The following CYTH3 variants were observed in gnomAD, a reference collection of about 807,000 sequenced individuals.
CYTH3 encodes the protein cytohesin 3, also known as cytohesin-3.
In CYTH3, 23 loss-of-function variants were observed where a neutral mutation model predicts 55.1. That is an observed-to-expected ratio of 0.42 (90% CI 0.30 to 0.59). CYTH3 has a LOEUF of 0.59. Among genes scored for constraint, CYTH3 ranks in the 20% least tolerant of loss-of-function variants. CYTH3 has a pLI of 0.20. For synonymous variants in CYTH3, 249 were observed against 194.9 expected, an observed-to-expected ratio of 1.28 and a Z score of -2.31; for missense variants, 413 against 524.8, an observed-to-expected ratio of 0.79 and a Z score of 2.08.
intron 1 of CYTH3, among the ~76,000 whole-genome samples, chr7:6,233,179 C>G (rs1208705221): frequency 2.6e-5 from 4 of 152,146 alleles, no homozygotes; most frequent in African/African-American, 9.7e-5. Flanking sequence ...TTTCAGCACA[C>G]CAGTATACTC....
chr7:6,169,397 A>G lies in CYTH3; in HGVS notation c.823+1138T>C, dbSNP rs1181632314. 6.6e-6 allele frequency among the ~76,000 whole-genome samples: 1 copy of G among 151,906 alleles called. No individual in the cohort carries two copies. The highest frequency in any genetic ancestry group is 1.5e-5 in the Non-Finnish European group (1 of 67,964). On this transcript the variant is annotated intron_variant, in intron 9 of 12. Coordinates refer to ENST00000350796, the MANE Select transcript of CYTH3 (RefSeq NM_004227.4). The surrounding 1 kb of genome is among the most constrained non-coding windows in gnomAD (Gnocchi z 4.1). ...CATCACGCCAGGCTAATTTTTTGTAAAGATGGGGTTTCACTATATTGCCCA... is the reference window on the plus strand; with the variant it reads ...CATCACGCCAGGCTAATTTTTTGTAGAGATGGGGTTTCACTATATTGCCCA...
At chr7:6,272,409 C>CGGGGGGGGGGGGGGG in intron 1 of CYTH3, 65 bp downstream of exon 1, 57 of 1,212,296 alleles carry the variant, frequency 4.7e-5, no homozygotes, top group South Asian at 1.0e-4. Context: ...GCCGCGCCCT[C>CGGGGGGGGGGGGGGG]GACCCCCAGC....
chr7:6,187,957 T>C (rs1477528293), intron 2 of CYTH3, among the ~76,000 whole-genome samples: 3 of 152,038 alleles, frequency 2.0e-5, no homozygotes, highest in Non-Finnish European at 2.9e-5. Context: ...TTCAGAGGGG[T>C]CCACTCTGCA....
intron 2 of CYTH3, among the ~76,000 whole-genome samples, chr7:6,187,967 A>G (rs1440099957): frequency 6.6e-6 from 1 of 152,122 alleles, no homozygotes; most frequent in Non-Finnish European, 1.5e-5. Flanking sequence ...TCCACTCTGC[A>G]GATCCTAGGG....
chr7:6,261,128 G>C (rs1780341427), intron 1 of CYTH3, among the ~76,000 whole-genome samples: 1 of 152,170 alleles, frequency 6.6e-6, no homozygotes, highest in African/African-American at 2.4e-5. Flanking sequence ...GAGGGAAAAG[G>C]GGAGTGCAGA....
chr7:6,259,825 T>TATATATAATATATATATA (rs1562418235), intron 1 of CYTH3, among the ~76,000 whole-genome samples: 1 of 24,114 alleles, frequency 4.1e-5, no homozygotes, highest in African/African-American at 3.9e-4. Context: ...TATATATATA[T>TATATATAATATATATATA]ATATATATTT....
intron 1 of CYTH3, among the ~76,000 whole-genome samples, chr7:6,222,415 C>G (rs909601675): frequency 5.3e-5 from 8 of 152,116 alleles, no homozygotes; most frequent in African/African-American, 1.9e-4. Flanking sequence ...TTTTAACATA[C>G]AGAGAAGAAT....
At chr7:6,211,725 C>T (rs184585495) in intron 1 of CYTH3, among the ~76,000 whole-genome samples, 9 of 152,238 alleles carry the variant, frequency 5.9e-5, no homozygotes, top group African/African-American at 1.7e-4. Context: ...TGGCTGGGCA[C>T]GGTGGCTCAT....
intron 10 of CYTH3, 26 bp from the exon 11 acceptor site, chr7:6,165,642 GCT>G: frequency 6.2e-7 from 1 of 1,613,152 alleles, no homozygotes; most frequent in Non-Finnish European, 8.5e-7. Flanking sequence ...ACACGGCGGG[GCT>G]CACTGTGGGT....
intron 9 of CYTH3, among the ~76,000 whole-genome samples, chr7:6,168,173 T>G (rs1583729291): frequency 1.3e-5 from 2 of 151,832 alleles, no homozygotes; most frequent in African/African-American, 4.8e-5. Context: ...CAGGTCCACA[T>G]GCACACACTT....
Position 6,190,545 on chromosome 7 carries a change from A to C in CYTH3, c.35-14T>G. ...GGTCTTCAGGCACTGAAAGAAGAAAAAAATAATTAACTACTTTGGAGAACA... is the reference window on the plus strand; with the variant it reads ...GGTCTTCAGGCACTGAAAGAAGAAACAAATAATTAACTACTTTGGAGAACA... On this transcript the variant is annotated splice_polypyrimidine_tract_variant and intron_variant, in intron 1 of 12. Coordinates refer to ENST00000350796, the MANE Select transcript of CYTH3 (RefSeq NM_004227.4). The C allele has an allele frequency of 6.7e-7, 1 of 1,500,448 alleles. No individual in the cohort carries two copies. Among genetic ancestry groups the C allele is most frequent in the Non-Finnish European group, 8.8e-7 (1 of 1,135,352 alleles). The allele number at this position is 1,500,448 out of a possible 1,614,324, so 92.9% of individuals were successfully genotyped here. A position where few individuals can be genotyped will look rare whatever the true frequency, so the allele number is the denominator to read the frequency against.
chr7:6,203,797 C>T (rs1391876820), intron 1 of CYTH3, among the ~76,000 whole-genome samples: 5 of 151,936 alleles, frequency 3.3e-5, no homozygotes, highest in Non-Finnish European at 7.4e-5. Context: ...CGGCTCACTG[C>T]AAGCTCCGCC....
At chr7:6,191,576 C>T (rs1188113753) in intron 1 of CYTH3, among the ~76,000 whole-genome samples, 1 of 145,428 alleles carries the variant, frequency 6.9e-6, no homozygotes, top group East Asian at 2.0e-4. Context: ...TTTATAATTT[C>T]AGGGTAGGGA....
intron 1 of CYTH3, among the ~76,000 whole-genome samples, chr7:6,259,257 G>A (rs1780215531): frequency 6.6e-6 from 1 of 152,158 alleles, no homozygotes; most frequent in South Asian, 2.1e-4. Context: ...CAAATGCTTT[G>A]TTTTACAGCA....
At chr7:6,246,073 ATTTT>A (rs1217006567) in intron 1 of CYTH3, among the ~76,000 whole-genome samples, 3 of 151,844 alleles carry the variant, frequency 2.0e-5, no homozygotes, top group African/African-American at 7.3e-5. Flanking sequence ...CCTCTAAATA[ATTTT>A]TAATTTTTTT....
At chr7:6,235,007 T>C (rs1038203871) in intron 1 of CYTH3, among the ~76,000 whole-genome samples, 2 of 152,172 alleles carry the variant, frequency 1.3e-5, no homozygotes, top group East Asian at 1.9e-4. Context: ...TCCTAAATGA[T>C]GTTCCCAATT....
At chr7:6,269,297 G>T (rs1040376443) in intron 1 of CYTH3, among the ~76,000 whole-genome samples, 1 of 152,184 alleles carries the variant, frequency 6.6e-6, no homozygotes, top group Non-Finnish European at 1.5e-5. Flanking sequence ...TTTCAAACTT[G>T]AAACAGACTT....
chr7:6,200,486 T>C (rs1784033931), intron 1 of CYTH3, among the ~76,000 whole-genome samples: 1 of 152,220 alleles, frequency 6.6e-6, no homozygotes, highest in Admixed American at 6.5e-5. Flanking sequence ...CAACTGTGTA[T>C]TTCTGGCTAC....
chr7:6,233,975 A>G (rs1321780971), intron 1 of CYTH3, among the ~76,000 whole-genome samples: 2 of 152,188 alleles, frequency 1.3e-5, no homozygotes, highest in Non-Finnish European at 2.9e-5. Context: ...GGCCTCTTGT[A>G]CAAGGATCTC....
Sources: gnomAD v4.1 joint callset for allele counts (sites outside exome capture counted in the v4.1 genomes callset) on GRCh38, gnomAD v4.1.1 for gene constraint, Gnocchi (gnomAD v3.1) non-coding constraint, MANE v1.5 for transcripts, NCBI Gene and HGNC (gene_info 2026-07-23, HGNC 2026-07-21) for gene names.